The following FHIT variants were observed in gnomAD, a reference collection of about 807,000 sequenced individuals.
The protein encoded by FHIT is fragile histidine triad diadenosine triphosphatase.
Under a neutral mutation model 17.9 loss-of-function variants are expected in FHIT, and 19 were observed. That is an observed-to-expected ratio of 1.06 (90% confidence interval 0.74 to 1.56). The LOEUF (loss-of-function observed/expected upper bound fraction) is 1.56, where lower values mean the gene tolerates loss of function less well. Among genes scored for constraint, FHIT ranks in the 40% most tolerant of loss-of-function variants. The probability of loss-of-function intolerance (pLI) is 0.00; values close to 1 mark genes in which losing one functional copy is unlikely to be tolerated. For missense variants in FHIT, 248 were observed against 189.2 expected (o/e 1.31, Z -1.82); for synonymous variants, 81 against 69.7 (o/e 1.16, Z -0.81).
At chr3:60,866,007 T>TAG (rs1704143033) in intron 3 of FHIT, among the ~76,000 whole-genome samples, 1 of 152,038 alleles carries the variant, frequency 6.6e-6, no homozygotes, top group Non-Finnish European at 1.5e-5. Flanking sequence ...GGGGAAGCAT[T>TAG]CAACAAGTAG....
At chr3:61,118,498 G>T (rs1424911840) in intron 2 of FHIT, among the ~76,000 whole-genome samples, 1 of 152,166 alleles carries the variant, frequency 6.6e-6, no homozygotes, top group African/African-American at 2.4e-5. Flanking sequence ...AGCCAAGAGG[G>T]AAAAGTTTCT....
chr3:60,106,918 T>G (rs1357209448), intron 5 of FHIT, among the ~76,000 whole-genome samples: 2 of 152,188 alleles, frequency 1.3e-5, no homozygotes, highest in Non-Finnish European at 2.9e-5. Flanking sequence ...ATGTGAAACT[T>G]CCTTGTGAAA....
At chr3:60,697,238 A>G (rs2041134601) in intron 4 of FHIT, among the ~76,000 whole-genome samples, 1 of 152,204 alleles carries the variant, frequency 6.6e-6, no homozygotes, top group African/African-American at 2.4e-5. Flanking sequence ...AGGAAAATGG[A>G]TATGTCAAAG....
intron 4 of FHIT, among the ~76,000 whole-genome samples, chr3:60,678,958 C>T (rs1237661409): frequency 9.3e-5 from 8 of 86,104 alleles, no homozygotes; most frequent in South Asian, 3.2e-4. Flanking sequence ...GTTTTGAGTC[C>T]TTAAAAAAAA....
chr3:60,324,573 GA>G (rs4022385), intron 5 of FHIT, among the ~76,000 whole-genome samples: 2,221 of 128,810 alleles, frequency 0.017, 46 homozygotes, highest in African/African-American at 0.046. Flanking sequence ...GACTCCATCA[GA>G]AAAAAAAAAA....
intron 4 of FHIT, among the ~76,000 whole-genome samples, chr3:60,580,151 A>G (rs1327610611): frequency 6.6e-6 from 1 of 152,178 alleles, no homozygotes; most frequent in Non-Finnish European, 1.5e-5. Context: ...CTAAAATTTA[A>G]AATTTCAAGC....
intron 4 of FHIT, among the ~76,000 whole-genome samples, chr3:60,648,062 C>T (rs2039902243): frequency 6.6e-6 from 1 of 152,040 alleles, no homozygotes; most frequent in East Asian, 1.9e-4. Flanking sequence ...CACTCCTAAG[C>T]CTTCAAGCTT....
intron 4 of FHIT, among the ~76,000 whole-genome samples, chr3:60,736,405 C>A (rs1157678051): frequency 1.3e-5 from 2 of 152,156 alleles, no homozygotes; most frequent in South Asian, 4.1e-4. Flanking sequence ...TTTCCATTTA[C>A]TAATGAATGG....
In FHIT at chr3:61,205,746, A is replaced by C. The variant is rs1281019613; in HGVS notation, c.-212-5081T>G. On this transcript the variant is annotated intron_variant, in intron 1 of 9. Coordinates refer to ENST00000492590, the MANE Select transcript of FHIT (RefSeq NM_002012.4). ...CTTTGTCAGATGAGTAGATTGCAAAAATTTTCTCCCATTCTGTAGGTTGCC... is the reference window on the plus strand; with the variant it reads ...CTTTGTCAGATGAGTAGATTGCAAACATTTTCTCCCATTCTGTAGGTTGCC... 2.0e-5 allele frequency among the ~76,000 whole-genome samples: 3 copies of C among 152,048 alleles called. 1 individual carries two copies. The highest frequency in any genetic ancestry group is 1.9e-4 in the East Asian group (1 of 5,178).
At chr3:60,206,145 A>AT (rs769408127) in intron 5 of FHIT, among the ~76,000 whole-genome samples, 21,467 of 134,910 alleles carry the variant, frequency 0.16, 1,847 homozygotes, top group East Asian at 0.24. Flanking sequence ...AAAAAAAAAA[A>AT]AATAAATAAT....
intron 4 of FHIT, among the ~76,000 whole-genome samples, chr3:60,615,091 G>A (rs1049270011): frequency 1.3e-4 from 20 of 152,030 alleles, no homozygotes; most frequent in Non-Finnish European, 5.9e-5. Flanking sequence ...GCCTCCCAAA[G>A]TGCTGGGATT....
At chr3:60,933,508 C>T (rs1215102898) in intron 3 of FHIT, among the ~76,000 whole-genome samples, 2 of 152,190 alleles carry the variant, frequency 1.3e-5, no homozygotes, top group Admixed American at 6.5e-5. Context: ...ATTTTAAAAG[C>T]TCAAGAGCCA....
At chr3:60,189,723 T>C (rs1407688981) in intron 5 of FHIT, among the ~76,000 whole-genome samples, 1 of 152,254 alleles carries the variant, frequency 6.6e-6, no homozygotes, top group East Asian at 1.9e-4. Flanking sequence ...GAATCGTTTT[T>C]CAGCTCTCTG....
intron 5 of FHIT, among the ~76,000 whole-genome samples, chr3:60,438,017 T>G (rs2030429588): frequency 6.6e-6 from 1 of 152,136 alleles, no homozygotes; most frequent in South Asian, 2.1e-4. Flanking sequence ...ATAGTCATAT[T>G]ATATAAAAAG....
chr3:60,908,615 T>A (rs1173998331), intron 3 of FHIT, among the ~76,000 whole-genome samples: 4 of 150,986 alleles, frequency 2.6e-5, no homozygotes, highest in African/African-American at 4.9e-5. Context: ...CAAAGGCGGT[T>A]GTACTATAAA....
At chr3:60,618,950 G>T (rs1207488031) in intron 4 of FHIT, among the ~76,000 whole-genome samples, 4 of 150,274 alleles carry the variant, frequency 2.7e-5, no homozygotes, top group Admixed American at 6.6e-5. Flanking sequence ...TCCCCTAAAG[G>T]CCCCAAAAAG....
At chr3:59,866,511 C>T (rs2106876352) in intron 8 of FHIT, among the ~76,000 whole-genome samples, 1 of 152,222 alleles carries the variant, frequency 6.6e-6, no homozygotes, top group African/African-American at 2.4e-5. Flanking sequence ...AGTTCTTCCA[C>T]ACAGAGAGTA....
chr3:60,566,332 A>T (rs2037132349), intron 4 of FHIT, among the ~76,000 whole-genome samples: 1 of 152,172 alleles, frequency 6.6e-6, no homozygotes, highest in Non-Finnish European at 1.5e-5. Flanking sequence ...GTAATCCAGC[A>T]TATAAACAGA....
chr3:60,718,306 G>A (rs2041733200), intron 4 of FHIT, among the ~76,000 whole-genome samples: 1 of 152,184 alleles, frequency 6.6e-6, no homozygotes, highest in Non-Finnish European at 1.5e-5. Context: ...TAAATGTCAT[G>A]TCTCGTAATG....
Sources: allele counts gnomAD v4.1 joint callset (sites outside exome capture counted in the v4.1 genomes callset), GRCh38; gene constraint gnomAD v4.1.1; transcripts MANE v1.5; gene names NCBI Gene and HGNC (gene_info 2026-07-23, HGNC 2026-07-21).